ANKRD30A: variants seen among roughly 807,000 people sequenced by gnomAD.
ANKRD30A encodes ankyrin repeat domain-containing protein 30A.
Under a neutral mutation model 166.3 loss-of-function variants are expected in ANKRD30A, and 170 were observed. That is an observed-to-expected ratio of 1.02 (90% CI 0.90 to 1.16). ANKRD30A has a LOEUF of 1.16. ANKRD30A is among the 50% of genes most tolerant of loss of function. The probability of loss-of-function intolerance (pLI) is 0.00; values close to 1 mark genes in which losing one functional copy is unlikely to be tolerated. For synonymous variants in ANKRD30A, 564 were observed against 508.9 expected, an observed-to-expected ratio of 1.11 and a Z score of -1.46; for missense variants, 1,630 against 1,518.0, an observed-to-expected ratio of 1.07 and a Z score of -1.23.
chr10:37,221,885 G>A (rs1361775696), intron 34 of ANKRD30A, among the ~76,000 whole-genome samples: 1 of 151,242 alleles, frequency 6.6e-6, no homozygotes, highest in African/African-American at 2.4e-5. Context: ...TGGATGCCAA[G>A]GACATTATAC....
At chr10:37,249,127 C>T in the ANKRD30A span, among the ~76,000 whole-genome samples, 4 of 152,186 alleles carry the variant, frequency 2.6e-5, no homozygotes. Flanking sequence ...AGAACAGTCT[C>T]TGAGGCCCTG....
chr10:37,238,115 CA>C, the ANKRD30A span, among the ~76,000 whole-genome samples: 4 of 152,130 alleles, frequency 2.6e-5, no homozygotes, highest in Non-Finnish European at 5.9e-5. Flanking sequence ...TGGATGCCCT[CA>C]TACAGAAGCT....
chr10:37,152,197 T>C (rs981290224), intron 12 of ANKRD30A, 76 bp downstream of exon 12: 33 of 1,262,498 alleles, frequency 2.6e-5, no homozygotes, highest in Non-Finnish European at 3.6e-5. Context: ...GCTTAGGCTT[T>C]ATTTTCTCGC....
At chr10:37,204,963 G>C (rs919082061) in intron 31 of ANKRD30A, among the ~76,000 whole-genome samples, 1 of 152,132 alleles carries the variant, frequency 6.6e-6, no homozygotes, top group Non-Finnish European at 1.5e-5. Context: ...GTGCTGGAGA[G>C]GATGTGGAGA....
chr10:37,130,892 C>G (rs1055048630), intron 3 of ANKRD30A, among the ~76,000 whole-genome samples: 1 of 152,120 alleles, frequency 6.6e-6, no homozygotes, highest in African/African-American at 2.4e-5. Flanking sequence ...TCTTTTGCCT[C>G]TGTAAATACT....
rs1300854314 is a variant in ANKRD30A at position 37,193,174 on chromosome 10, A to G, written c.2542-12A>G. The G allele has an allele frequency of 2.5e-6, 4 of 1,611,702 alleles. No individual in the cohort carries two copies. The highest frequency in any genetic ancestry group is 3.4e-6 in the Non-Finnish European group (4 of 1,179,186). On this transcript the variant is annotated splice_polypyrimidine_tract_variant and intron_variant, in intron 26 of 35. Transcript: ENST00000361713. The stretch of plus-strand genomic sequence containing the variant: ...ATTGTATATTAATTGTTTTGTTTCT[A>G]AACCCATTTAGGCTCCCTGCAGAAT...
At chr10:37,260,285 G>A in the ANKRD30A span, among the ~76,000 whole-genome samples, 3 of 152,190 alleles carry the variant, frequency 2.0e-5, no homozygotes, top group Non-Finnish European at 2.9e-5. Flanking sequence ...CTTGGGGTTA[G>A]TTTAGCCTGT....
intron 11 of ANKRD30A, among the ~76,000 whole-genome samples, chr10:37,150,257 C>G (rs1414643004): frequency 6.6e-6 from 1 of 151,926 alleles, no homozygotes; most frequent in African/African-American, 2.4e-5. Context: ...TACCTTGTTT[C>G]CAGTGTTGTC....
At chr10:37,245,130 T>A in the ANKRD30A span, among the ~76,000 whole-genome samples, 2 of 152,296 alleles carry the variant, frequency 1.3e-5, no homozygotes, top group Admixed American at 6.5e-5. Context: ...TTAATTAATT[T>A]TAAAAAATTT....
At chr10:37,165,069 T>A (rs1839206792) in intron 17 of ANKRD30A, 25 bp from the exon 18 acceptor site, 2 of 1,591,490 alleles carry the variant, frequency 1.3e-6, no homozygotes, top group African/African-American at 2.7e-5. Context: ...TGCTCATGAA[T>A]GTATCTGTGA....
At position 37,158,385 on chromosome 10, in the gene ANKRD30A, C is replaced by A. The variant is rs775229138; in HGVS notation, c.1799-7C>A. Reference sequence around the variant, plus strand: ...ATAATCAATTATGTATGTCCCTTTTCTTATAGAGTCTCCTAATAAAGATGG... The same window carrying A: ...ATAATCAATTATGTATGTCCCTTTTATTATAGAGTCTCCTAATAAAGATGG... On this transcript the variant is annotated splice_region_variant and splice_polypyrimidine_tract_variant and intron_variant, in intron 13 of 35. Transcript: ENST00000361713. 6.2e-7 allele frequency: 1 copy of A among 1,608,312 alleles called. No homozygotes were observed.
chr10:37,216,541 C>A, intron 32 of ANKRD30A, 147 bp downstream of exon 32: 1 of 709,942 alleles, frequency 1.4e-6, no homozygotes, highest in Non-Finnish European at 2.2e-6. Flanking sequence ...TTAAATAATA[C>A]AAGTTCTTAA....
the ANKRD30A span, among the ~76,000 whole-genome samples, chr10:37,238,565 C>T: frequency 6.9e-4 from 105 of 152,092 alleles, no homozygotes; most frequent in African/African-American, 2.5e-3. Flanking sequence ...TTCTTCAGTA[C>T]AAAATTAGAC....
intron 4 of ANKRD30A, among the ~76,000 whole-genome samples, chr10:37,133,562 C>G (rs1037692438): frequency 1.3e-5 from 2 of 152,336 alleles, no homozygotes; most frequent in East Asian, 3.9e-4. Context: ...CTTCAGATTG[C>G]TGTCACTTGT....
At chr10:37,243,242 C>A in the ANKRD30A span, among the ~76,000 whole-genome samples, 1 of 150,008 alleles carries the variant, frequency 6.7e-6, no homozygotes, top group African/African-American at 2.5e-5. Flanking sequence ...TCACGCCATT[C>A]TCCTGCCTCA....
chr10:37,219,251 C>G lies in ANKRD30A; in HGVS notation c.3539C>G (p.Ser1180Cys). The stretch of plus-strand genomic sequence containing the variant: ...ATAGCTGAGAACACAATGCTCACTT[C>G]TAAATTGAAGGAAAAACAAGACAAA... ...VLIAENTMLT[S>C]KLKEKQDKEI... Residue 1180 changes from serine (S) to cysteine (C), a missense_variant, in exon 34 of 36, where the codon TCT becomes TGT. Around this residue, in one of 4 missense-constraint regions of ANKRD30A, gnomAD observed 712 missense variants for 629.3 expected, o/e 1.13. Transcript: ENST00000361713. 1 of 1,610,464 alleles carries G rather than the reference C, an allele frequency of 6.2e-7. No individual in the cohort carries two copies. The highest frequency in any genetic ancestry group is 8.5e-7 in the Non-Finnish European group (1 of 1,177,592).
chr10:37,179,013 A>AAT (rs139390228), intron 24 of ANKRD30A, among the ~76,000 whole-genome samples: 2,188 of 115,154 alleles, frequency 0.019, 6 homozygotes, highest in Non-Finnish European at 0.023. Flanking sequence ...TGAGGCGTCA[A>AAT]ATATATATAT....
chr10:37,144,744 A>G (rs1287012492), intron 7 of ANKRD30A, among the ~76,000 whole-genome samples: 1 of 152,166 alleles, frequency 6.6e-6, no homozygotes, highest in Non-Finnish European at 1.5e-5. Context: ...TTTTGTGAAG[A>G]AATAATTAAT....
chr10:37,154,356 C>T (rs1300896415), intron 13 of ANKRD30A, among the ~76,000 whole-genome samples: 1 of 152,180 alleles, frequency 6.6e-6, no homozygotes, highest in Non-Finnish European at 1.5e-5. Context: ...TGGGATTCTG[C>T]ATTTTTAAAA....
Sources: allele counts gnomAD v4.1 joint callset (sites outside exome capture counted in the v4.1 genomes callset), GRCh38; gene constraint gnomAD v4.1.1; regional missense constraint gnomAD v4.1.1; transcripts MANE v1.5; gene names NCBI Gene and HGNC (gene_info 2026-07-23, HGNC 2026-07-21).